Variants in KAT2B observed in about 807,000 individuals in gnomAD.
KAT2B encodes lysine acetyltransferase 2B.
In KAT2B, 36 loss-of-function variants were observed where a neutral mutation model predicts 105.9. The ratio of observed to expected loss-of-function variants is 0.34; its 90% confidence interval spans 0.26 to 0.45. The LOEUF is 0.45. Ranked by LOEUF, KAT2B falls within the 20% of genes least tolerant of loss-of-function variation. The pLI is 1.00. For missense variants in KAT2B, 820 were observed against 1,021.6 expected (o/e 0.80, Z 2.69); for synonymous variants, 397 against 377.9 (o/e 1.05, Z -0.59).
intron 1 of KAT2B, among the ~76,000 whole-genome samples, chr3:20,063,137 G>A (rs1395837538): frequency 6.6e-6 from 1 of 151,620 alleles, no homozygotes; most frequent in Non-Finnish European, 1.5e-5. Flanking sequence ...GCACAGTCAT[G>A]GCCCATTGCT....
chr3:20,148,006 A>G lies in KAT2B; in HGVS notation c.2156+7A>G. 1.2e-6 allele frequency: 2 copies of G among 1,613,094 alleles called. No homozygotes were observed. Among genetic ancestry groups the G allele is most frequent in the South Asian group, 2.2e-5 (2 of 91,032 alleles). ...CGAGTGGAAAAGAGAAAAGGTAAGT[A>G]TGACGGGCAAGAGGATGTTAATGGA... On this transcript the variant is annotated splice_region_variant and intron_variant, in intron 15 of 17. Coordinates refer to ENST00000263754, the MANE Select transcript of KAT2B (RefSeq NM_003884.5).
chr3:20,087,098 C>T (rs1167639444), intron 2 of KAT2B, among the ~76,000 whole-genome samples: 8 of 152,196 alleles, frequency 5.3e-5, no homozygotes, highest in Non-Finnish European at 1.5e-5. Context: ...TTAAAGGATA[C>T]AAAATTACTG....
chr3:20,094,262 AGAGC>A (rs960996445), intron 2 of KAT2B, among the ~76,000 whole-genome samples: 12 of 152,158 alleles, frequency 7.9e-5, no homozygotes, highest in Non-Finnish European at 1.5e-4. Flanking sequence ...CAGGAGAGAG[AGAGC>A]GAGCGAGCGA....
chr3:20,115,134 T>C, intron 7 of KAT2B, 146 bp downstream of exon 7: 1 of 602,072 alleles, frequency 1.7e-6, no homozygotes, highest in Non-Finnish European at 3.0e-6. Flanking sequence ...AACCCAATTA[T>C]AGTCTCAGTC....
intron 1 of KAT2B, among the ~76,000 whole-genome samples, chr3:20,051,924 A>G (rs956780619): frequency 6.6e-6 from 1 of 152,240 alleles, no homozygotes; most frequent in Non-Finnish European, 1.5e-5. Context: ...TTCATTTAAC[A>G]TTAAATTCCA....
intron 2 of KAT2B, among the ~76,000 whole-genome samples, chr3:20,081,618 A>G (rs1698520261): frequency 6.6e-6 from 1 of 152,164 alleles, no homozygotes; most frequent in African/African-American, 2.4e-5. Flanking sequence ...AAACTTTGCC[A>G]CAGCTCAAGG....
Position 20,127,452 on chromosome 3 carries a change from A to G in KAT2B, c.1652A>G (p.Asp551Gly), listed in dbSNP as rs1360974213. Residue 551 changes from aspartate (D) to glycine (G), a missense_variant, in exon 11 of 18, where the codon GAT becomes GGT. This residue lies in a region of KAT2B where 225 missense variants were observed against 268.1 expected (regional missense o/e 0.84). Transcript: ENST00000263754. ...PKHKTLALIK[D>G]GRVIGGICFR... ...CACAAAACCCTTGCTTTAATTAAAG[A>G]TGGCCGTGTTATTGGTGGTATCTGT... 2 of 1,613,154 alleles carry G rather than the reference A, an allele frequency of 1.2e-6. No individual in the cohort carries two copies. The highest frequency in any genetic ancestry group is 1.7e-6 in the Non-Finnish European group (2 of 1,179,176).
rs202184633 is a variant in KAT2B at position 20,144,285 on chromosome 3, T to TC, written c.2005-2031_2005-2030insC. Among the ~76,000 whole-genome samples the TC allele has an allele frequency of 9.2e-3, 524 of 57,220 alleles. 8 individuals are homozygous for TC. Among genetic ancestry groups the TC allele is most frequent in the Middle Eastern group, 0.029 (6 of 210 alleles). The allele number at this position is 57,220 out of a possible 152,430, so 37.5% of individuals were successfully genotyped here. A position where few individuals can be genotyped will look rare whatever the true frequency, so the allele number is the denominator to read the frequency against. On this transcript the variant is annotated intron_variant, in intron 13 of 17. Transcript: ENST00000263754. ...GATTGCCCTTGGGATTCTTTTTTTT[T>TC]TTTTTTTTTTTTTTTTTTTTTGAGA...
chr3:20,078,333 A>C (rs1698456612), intron 2 of KAT2B, among the ~76,000 whole-genome samples: 1 of 152,156 alleles, frequency 6.6e-6, no homozygotes, highest in African/African-American at 2.4e-5. Flanking sequence ...ACTGATTATT[A>C]AATTTGTCTA....
At chr3:20,134,009 A>G (rs1011969351) in intron 11 of KAT2B, among the ~76,000 whole-genome samples, 1 of 151,882 alleles carries the variant, frequency 6.6e-6, no homozygotes, top group Non-Finnish European at 1.5e-5. Flanking sequence ...AATCTTTGTA[A>G]TATATGTTGC....
chr3:20,115,374 T>G (rs886538390), intron 7 of KAT2B, among the ~76,000 whole-genome samples: 2 of 152,194 alleles, frequency 1.3e-5, no homozygotes, highest in African/African-American at 4.8e-5. Context: ...AGATGCCTTC[T>G]GGAGTCGCAG....
intron 1 of KAT2B, among the ~76,000 whole-genome samples, chr3:20,041,828 C>G (rs1697725269): frequency 6.6e-6 from 1 of 152,188 alleles, no homozygotes; most frequent in Non-Finnish European, 1.5e-5. Flanking sequence ...ATTGTCACAA[C>G]CAAGCTGCAG....
At chr3:20,080,500 A>G (rs1385000701) in intron 2 of KAT2B, among the ~76,000 whole-genome samples, 3 of 152,278 alleles carry the variant, frequency 2.0e-5, no homozygotes, top group East Asian at 1.9e-4. Context: ...ACCAATCTGT[A>G]CTGAACTGTG....
At chr3:20,125,307 A>G (rs986055956) in intron 9 of KAT2B, among the ~76,000 whole-genome samples, 101 of 12,626 alleles carry the variant, frequency 8.0e-3, no homozygotes, top group African/African-American at 0.018. Flanking sequence ...TCCGTCTCAG[A>G]AAAAAAAAAA....
chr3:20,118,003 A>C (rs764918638), intron 7 of KAT2B, among the ~76,000 whole-genome samples: 3 of 151,948 alleles, frequency 2.0e-5, no homozygotes, highest in Non-Finnish European at 4.4e-5. Flanking sequence ...TGTGTATTTT[A>C]TATGCTTTAC....
intron 1 of KAT2B, among the ~76,000 whole-genome samples, chr3:20,069,262 A>G (rs1698276701): frequency 6.6e-6 from 1 of 152,180 alleles, no homozygotes; most frequent in Admixed American, 6.5e-5. Flanking sequence ...ACAAAGGAAA[A>G]GGACCTTGAG....
At chr3:20,078,512 A>C (rs909532397) in intron 2 of KAT2B, among the ~76,000 whole-genome samples, 1 of 150,960 alleles carries the variant, frequency 6.6e-6, no homozygotes, top group African/African-American at 2.4e-5. Context: ...AGCTGGGACC[A>C]CAGACATGCA....
intron 1 of KAT2B, among the ~76,000 whole-genome samples, chr3:20,041,307 T>A (rs1697715711): frequency 6.6e-6 from 1 of 151,888 alleles, no homozygotes; most frequent in Non-Finnish European, 1.5e-5. Flanking sequence ...GGTGGGAAGG[T>A]GGGCAGAGTC....
chr3:20,133,655 A>G (rs1699549664), intron 11 of KAT2B, among the ~76,000 whole-genome samples: 1 of 152,244 alleles, frequency 6.6e-6, no homozygotes, highest in African/African-American at 2.4e-5. Flanking sequence ...ACTGAGAAGC[A>G]GAATTCCTAT....
Sources: allele counts gnomAD v4.1 joint callset (sites outside exome capture counted in the v4.1 genomes callset), GRCh38; gene constraint gnomAD v4.1.1; regional missense constraint gnomAD v4.1.1; transcripts MANE v1.5; gene names NCBI Gene and HGNC (gene_info 2026-07-23, HGNC 2026-07-21).